RBMS1: variants seen among roughly 807,000 people sequenced by gnomAD.
RBMS1 encodes the protein RNA-binding motif, single-stranded-interacting protein 1.
Under a neutral mutation model 62.3 loss-of-function variants are expected in RBMS1, and 17 were observed. The observed-to-expected ratio is 0.27, with a 90% CI of 0.19 to 0.41. The LOEUF (loss-of-function observed/expected upper bound fraction) is 0.41. RBMS1 is among the 10% of genes least tolerant of loss of function. The pLI, the probability that RBMS1 is intolerant of heterozygous loss-of-function variation, is 1.00. For missense variants in RBMS1, 334 were observed against 504.5 expected (o/e 0.66, Z 3.24); for synonymous variants, 172 against 170.0 (o/e 1.01, Z -0.09).
At chr2:160,403,901 C>T (rs1028497007) in intron 1 of RBMS1, among the ~76,000 whole-genome samples, 1 of 152,108 alleles carries the variant, frequency 6.6e-6, no homozygotes, top group Non-Finnish European at 1.5e-5. Flanking sequence ...CAAGAAACAA[C>T]ACAAAGGAAA....
chr2:160,331,176 C>T (rs1044552282), intron 2 of RBMS1, among the ~76,000 whole-genome samples: 10 of 152,122 alleles, frequency 6.6e-5, no homozygotes, highest in Non-Finnish European at 1.5e-4. Context: ...TTGTTTTAAG[C>T]TACCCAGGTT....
chr2:160,373,288 A>G (rs1162884971), intron 1 of RBMS1, among the ~76,000 whole-genome samples: 1 of 152,240 alleles, frequency 6.6e-6, no homozygotes, highest in African/African-American at 2.4e-5. Context: ...CAATCTCCAC[A>G]TAGAAATCTC....
rs1266107425 is a variant in RBMS1 at position 160,273,332 on chromosome 2, C to G, written c.*1440G>C. On this transcript the variant is annotated 3_prime_UTR_variant, in exon 14 of 14. Coordinates refer to ENST00000348849, the MANE Select transcript of RBMS1 (RefSeq NM_016836.4). ...CAATTAAAATTATAAAACCTAAATG[C>G]AAAGGTACAAAAAAGGCACATTCTC... 6.6e-6 allele frequency: 1 copy of G among 152,036 alleles called. No homozygotes were observed. The highest frequency in any genetic ancestry group is 1.5e-5 in the Non-Finnish European group (1 of 68,010). The allele number at this position is 152,036 out of a possible 1,614,324, so 9.4% of individuals were successfully genotyped here.
At chr2:160,364,699 T>C (rs562603043) in intron 2 of RBMS1, among the ~76,000 whole-genome samples, 1 of 152,314 alleles carries the variant, frequency 6.6e-6, no homozygotes, top group African/African-American at 2.4e-5. Context: ...TCCTCTCTAG[T>C]TTTTAAAATC....
intron 6 of RBMS1, among the ~76,000 whole-genome samples, 183 bp from the exon 7 acceptor site, chr2:160,287,267 C>T (rs1004080887): frequency 6.6e-6 from 1 of 152,202 alleles, no homozygotes; most frequent in Non-Finnish European, 1.5e-5. Context: ...TGCAGAAAAA[C>T]ATACTAGTTA....
At chr2:160,320,792 C>T (rs532032255) in intron 2 of RBMS1, among the ~76,000 whole-genome samples, 40 of 152,252 alleles carry the variant, frequency 2.6e-4, no homozygotes, top group South Asian at 1.5e-3. Context: ...TAAACCTTTT[C>T]TTTTAACAAA....
intron 1 of RBMS1, among the ~76,000 whole-genome samples, chr2:160,379,288 G>T (rs1020811414): frequency 6.6e-6 from 1 of 151,836 alleles, no homozygotes. Flanking sequence ...CTGAAGGGCT[G>T]TTTCTAATTT....
At chr2:160,312,908 T>C (rs752342472) in intron 4 of RBMS1, among the ~76,000 whole-genome samples, 6 of 152,078 alleles carry the variant, frequency 3.9e-5, no homozygotes, top group Admixed American at 2.0e-4. Context: ...AATTTACTTA[T>C]GGGGTTACAT....
Position 160,273,559 on chromosome 2 carries a change from A to C in RBMS1, c.*1213T>G, listed in dbSNP as rs1319330998. On this transcript the variant is annotated 3_prime_UTR_variant, in exon 14 of 14. Coordinates refer to ENST00000348849, the MANE Select transcript of RBMS1 (RefSeq NM_016836.4). ...TCGTTTTGCTTCTATTCGTTATCTC[A>C]GCTTATGTTTGAAGATAAATCCTTA... 1 of 152,162 alleles carries C rather than the reference A, an allele frequency of 6.6e-6. No individual in the cohort carries two copies. The highest frequency in any genetic ancestry group is 1.5e-5 in the Non-Finnish European group (1 of 68,016). The allele number at this position is 152,162 out of a possible 1,614,324, so 9.4% of individuals were successfully genotyped here.
chr2:160,386,935 G>A lies in RBMS1; in HGVS notation c.76-19544C>T, dbSNP rs1034849293. ...ATGATTATTTATTCCTATTACAAACGTGGGCTTACCTTCCAGTGTGCCGCT... is the reference window on the plus strand; with the variant it reads ...ATGATTATTTATTCCTATTACAAACATGGGCTTACCTTCCAGTGTGCCGCT... On this transcript the variant is annotated intron_variant, in intron 1 of 13. Coordinates refer to ENST00000348849, the MANE Select transcript of RBMS1 (RefSeq NM_016836.4). Among the ~76,000 whole-genome samples the A allele has an allele frequency of 3.9e-5, 6 of 152,130 alleles. No homozygotes were observed. The South Asian group carries it at 6.2e-4, about 16-fold the overall frequency.
intron 1 of RBMS1, among the ~76,000 whole-genome samples, chr2:160,406,285 C>T (rs1695702343): frequency 6.6e-6 from 1 of 152,184 alleles, no homozygotes; most frequent in Non-Finnish European, 1.5e-5. Flanking sequence ...CTTGCAAATA[C>T]ACTTACGCTA....
intron 1 of RBMS1, among the ~76,000 whole-genome samples, chr2:160,454,930 T>C (rs531252034): frequency 6.6e-6 from 1 of 152,354 alleles, no homozygotes; most frequent in South Asian, 2.1e-4. Context: ...TATTTGAACA[T>C]CCATCAGTAA....
Position 160,340,990 on chromosome 2 carries a change from C to T in RBMS1, c.252-22763G>A, listed in dbSNP as rs551078103. On this transcript the variant is annotated intron_variant, in intron 2 of 13. Transcript: ENST00000348849. ...CAGTTTACTCTCATTTTCCCCATTT[C>T]TCCCCTTTTATAAAATGTTCTTTTA... Among the ~76,000 whole-genome samples, 5 of 152,248 alleles carry T rather than the reference C, an allele frequency of 3.3e-5. No individual in the cohort carries two copies. The South Asian group carries it at 1.0e-3, about 32-fold the overall frequency.
chr2:160,364,524 T>G (rs946951242), intron 2 of RBMS1, among the ~76,000 whole-genome samples: 2 of 152,184 alleles, frequency 1.3e-5, no homozygotes. Context: ...GCCAGGGTGA[T>G]CTACACTTTC....
chr2:160,331,099 G>C (rs1373396155), intron 2 of RBMS1, among the ~76,000 whole-genome samples: 1 of 152,166 alleles, frequency 6.6e-6, no homozygotes, highest in Non-Finnish European at 1.5e-5. Context: ...TTCAAAGGGA[G>C]CATGGCCCTG....
At chr2:160,276,322 CAG>C (rs1687828711) in intron 12 of RBMS1, among the ~76,000 whole-genome samples, 1 of 151,958 alleles carries the variant, frequency 6.6e-6, no homozygotes, top group Non-Finnish European at 1.5e-5. Flanking sequence ...ATTGCACAAA[CAG>C]AAGTAAAATA....
At chr2:160,330,258 G>C (rs541529931) in intron 2 of RBMS1, among the ~76,000 whole-genome samples, 1 of 152,334 alleles carries the variant, frequency 6.6e-6, no homozygotes, top group Admixed American at 6.5e-5. Context: ...ATGAACGAGT[G>C]ATTGAGTTGT....
At chr2:160,406,268 C>T (rs1214743652) in intron 1 of RBMS1, among the ~76,000 whole-genome samples, 2 of 152,046 alleles carry the variant, frequency 1.3e-5, no homozygotes, top group African/African-American at 2.4e-5. Context: ...TCGACACTGC[C>T]AAAATACTTG....
At chr2:160,490,321 A>G (rs1391151304) in intron 1 of RBMS1, among the ~76,000 whole-genome samples, 4 of 151,722 alleles carry the variant, frequency 2.6e-5, no homozygotes, top group African/African-American at 9.7e-5. Context: ...AAAAAAAACA[A>G]AAAACCAACA....
Sources: gnomAD v4.1 joint callset for allele counts (sites outside exome capture counted in the v4.1 genomes callset) on GRCh38, gnomAD v4.1.1 for gene constraint, MANE v1.5 for transcripts, NCBI Gene and HGNC (gene_info 2026-07-23, HGNC 2026-07-21) for gene names.